Variants in MAP3K7CL observed in about 807,000 individuals in gnomAD.
MAP3K7CL encodes MAP3K7 C-terminal like, also known as MAP3K7 C-terminal-like protein.
Under a neutral mutation model 18.6 loss-of-function variants are expected in MAP3K7CL, and 16 were observed. The observed-to-expected ratio is 0.86, with a 90% CI of 0.58 to 1.31. The LOEUF (loss-of-function observed/expected upper bound fraction) is 1.31. Among genes scored for constraint, MAP3K7CL ranks in the 50% most tolerant of loss-of-function variants. The probability of loss-of-function intolerance (pLI) is 0.00; values close to 1 mark genes in which losing one functional copy is unlikely to be tolerated. For missense variants in MAP3K7CL, 163 were observed against 174.4 expected, an observed-to-expected ratio of 0.93 and a Z score of 0.37; for synonymous variants, 65 against 66.8, an observed-to-expected ratio of 0.97 and a Z score of 0.13.
At chr21:29,169,756 A>G (rs111397370) in intron 4 of MAP3K7CL, among the ~76,000 whole-genome samples, 68 of 152,204 alleles carry the variant, frequency 4.5e-4, no homozygotes, top group African/African-American at 1.6e-3. Flanking sequence ...TTTTGGAATT[A>G]ATTTCCATAA....
intron 4 of MAP3K7CL, among the ~76,000 whole-genome samples, chr21:29,118,084 A>T (rs1038888383): frequency 4.1e-5 from 6 of 145,126 alleles, no homozygotes; most frequent in Admixed American, 3.5e-4. Flanking sequence ...TAATTTTTTT[A>T]AATTAAAAAA....
intron 1 of MAP3K7CL, among the ~76,000 whole-genome samples, chr21:29,089,012 A>T (rs1035756746): frequency 3.8e-4 from 58 of 152,026 alleles, no homozygotes; most frequent in African/African-American, 1.4e-3. Flanking sequence ...TCTACTAAAA[A>T]TACAAAAATT....
At chr21:29,130,318 C>T (rs2086755292), upstream of MAP3K7CL, among the ~76,000 whole-genome samples, 1 of 152,212 alleles carries the variant, frequency 6.6e-6, no homozygotes, top group Admixed American at 6.5e-5. Flanking sequence ...AACCTCAAAC[C>T]TCACATTCTT....
At chr21:29,092,440 A>G (rs1290040780) in exon 4 of MAP3K7CL, 7 of 1,614,014 alleles carry the variant, frequency 4.3e-6, no homozygotes, top group Non-Finnish European at 5.9e-6. Context: ...TTTATTTAGT[A>G]TTTCAGTTTT....
At chr21:29,159,915 C>T in intron 3 of MAP3K7CL, 26 bp from the exon 4 acceptor site, 2 of 1,560,728 alleles carry the variant, frequency 1.3e-6, no homozygotes, top group Middle Eastern at 1.7e-4. Context: ...AAGAAATGGA[C>T]TAATTTCTTC....
intron 1 of MAP3K7CL, among the ~76,000 whole-genome samples, chr21:29,089,587 T>A (rs2085986764): frequency 6.6e-6 from 1 of 152,208 alleles, no homozygotes; most frequent in Non-Finnish European, 1.5e-5. Context: ...AGCTTGTGGC[T>A]GGTGATGTTT....
At chr21:29,135,446 A>C (rs1191747077) in intron 2 of MAP3K7CL, among the ~76,000 whole-genome samples, 1 of 152,188 alleles carries the variant, frequency 6.6e-6, no homozygotes, top group Non-Finnish European at 1.5e-5. Context: ...CAACAGCCTC[A>C]CAAAGAAAAT....
At chr21:29,095,256 G>A (rs1415587954) in intron 4 of MAP3K7CL, among the ~76,000 whole-genome samples, 1 of 152,066 alleles carries the variant, frequency 6.6e-6, no homozygotes, top group African/African-American at 2.4e-5. Context: ...CTGTCTGTTG[G>A]GGGCCTTGGC....
chr21:29,159,608 C>A (rs927226582), intron 3 of MAP3K7CL, among the ~76,000 whole-genome samples: 10 of 152,064 alleles, frequency 6.6e-5, no homozygotes. Flanking sequence ...CTAAGATTTC[C>A]GGGGAGTACG....
At chr21:29,132,041 T>C (rs2086789988) in intron 1 of MAP3K7CL, among the ~76,000 whole-genome samples, 1 of 152,216 alleles carries the variant, frequency 6.6e-6, no homozygotes, top group Non-Finnish European at 1.5e-5. Flanking sequence ...AAAATATCAT[T>C]CAGGTTTTTT....
intron 3 of MAP3K7CL, among the ~76,000 whole-genome samples, chr21:29,158,666 G>A (rs1466763245): frequency 6.6e-6 from 1 of 152,028 alleles, no homozygotes; most frequent in East Asian, 1.9e-4. Flanking sequence ...TGTCCTTGAA[G>A]AATATAATGA....
intron 4 of MAP3K7CL, among the ~76,000 whole-genome samples, chr21:29,166,614 G>A (rs1445474028): frequency 6.6e-6 from 1 of 152,096 alleles, no homozygotes; most frequent in African/African-American, 2.4e-5. Context: ...TGTCTCTATG[G>A]ATTTGCTTAT....
intron 1 of MAP3K7CL, chr21:29,131,254 TAC>T (rs1480391240): frequency 6.6e-6 from 1 of 152,270 alleles, no homozygotes; most frequent in Non-Finnish European, 1.5e-5. Context: ...GGCAAATTTC[TAC>T]CTCTTGTACT....
At chr21:29,163,135 A>G (rs2087595458) in intron 4 of MAP3K7CL, among the ~76,000 whole-genome samples, 1 of 152,068 alleles carries the variant, frequency 6.6e-6, no homozygotes, top group South Asian at 2.1e-4. Flanking sequence ...AAAATAAAAA[A>G]AGGAAAAGTC....
At chr21:29,153,637 T>G (rs1183267149) in intron 3 of MAP3K7CL, among the ~76,000 whole-genome samples, 1 of 152,054 alleles carries the variant, frequency 6.6e-6, no homozygotes, top group Admixed American at 6.6e-5. Flanking sequence ...TTTGTAGAGA[T>G]GGGGTTTTGC....
intron 4 of MAP3K7CL, among the ~76,000 whole-genome samples, chr21:29,125,621 A>T (rs945910889): frequency 2.6e-5 from 4 of 151,858 alleles, no homozygotes; most frequent in African/African-American, 9.7e-5. Context: ...TTAAAATAAA[A>T]AGAAGTTCCT....
chr21:29,160,057 G>GT lies in MAP3K7CL; in HGVS notation c.248+2dup, dbSNP rs767670640. 6.2e-7 allele frequency: 1 copy of GT among 1,610,420 alleles called. No homozygotes were observed. Among genetic ancestry groups the GT allele is most frequent in the South Asian group, 1.1e-5 (1 of 90,994 alleles). ...AAATCACCCTGCTTGAGCAAAGGAA[G>GT]TAAGTACCTACCCCCCTCACTCTAC... On this transcript the variant is annotated splice_donor_variant, in intron 4 of 4. Coordinates refer to ENST00000399928, the MANE Select transcript of MAP3K7CL (RefSeq NM_001286620.2). LOFTEE classifies it high-confidence loss of function.
chr21:29,097,546 C>T (rs765121255), intron 4 of MAP3K7CL, among the ~76,000 whole-genome samples: 7 of 151,950 alleles, frequency 4.6e-5, no homozygotes, highest in Non-Finnish European at 7.4e-5. Flanking sequence ...ATGATTACTT[C>T]AGTTCTTAGG....
intron 4 of MAP3K7CL, among the ~76,000 whole-genome samples, chr21:29,174,259 A>G (rs983635847): frequency 2.0e-5 from 3 of 152,214 alleles, no homozygotes; most frequent in East Asian, 1.9e-4. Context: ...AAAGAAGTCT[A>G]TTGGAGATTT....
Sources: allele counts gnomAD v4.1 joint callset (sites outside exome capture counted in the v4.1 genomes callset), GRCh38; gene constraint gnomAD v4.1.1; transcripts MANE v1.5; gene names NCBI Gene and HGNC (gene_info 2026-07-23, HGNC 2026-07-21).